Variants in MSL3 observed in about 807,000 individuals in gnomAD.
MSL3 encodes MSL complex subunit 3.
MSL3 carries 5 observed loss-of-function variants against 37.2 expected under a neutral mutation model. The observed-to-expected ratio is 0.13, with a 90% CI of 0.07 to 0.28. MSL3 has a LOEUF of 0.28. MSL3 is among the 10% of genes least tolerant of loss of function. MSL3 has a pLI of 1.00. For missense variants in MSL3, 315 were observed against 408.5 expected (o/e 0.77, Z 1.97); for synonymous variants, 149 against 147.6 (o/e 1.01, Z -0.07).
At chrX:11,759,559 C>T in intron 1 of MSL3, 1 of 1,005,185 alleles carries the variant, frequency 9.9e-7, no homozygotes. Context: ...CTTCAGAAGC[C>T]TCACACTGTC....
At chrX:11,772,365 G>T (rs936242845) in intron 11 of MSL3, 110 bp downstream of exon 11, 1 of 618,564 alleles carries the variant, frequency 1.6e-6, no homozygotes, top group Non-Finnish European at 2.5e-6. Flanking sequence ...GAAATTTGGG[G>T]ATCCAAGAAA....
intron 12 of MSL3, among the ~76,000 whole-genome samples, chrX:11,774,279 G>A (rs1344860871): frequency 8.9e-6 from 1 of 112,109 alleles, no homozygotes; most frequent in East Asian, 2.8e-4. Flanking sequence ...CATTTCTGAA[G>A]TGAGATTTAT....
intron 3 of MSL3, 141 bp downstream of exon 3, chrX:11,760,639 AGT>A: frequency 2.0e-6 from 1 of 497,386 alleles, no homozygotes; most frequent in Non-Finnish European, 3.1e-6. Context: ...TAAGGGGAAG[AGT>A]GTTCCTATGG....
In MSL3 at chrX:11,775,183, C is replaced by A; in HGVS notation, c.*104C>A. 1.9e-6 allele frequency: 1 copy of A among 540,063 alleles called. No individual in the cohort carries two copies. Among genetic ancestry groups the A allele is most frequent in the South Asian group, 3.0e-5 (1 of 33,437 alleles). The allele number at this position is 540,063 out of a possible 1,213,427, so 44.5% of individuals were successfully genotyped here. On this transcript the variant is annotated 3_prime_UTR_variant, in exon 13 of 13. Coordinates refer to ENST00000312196, the MANE Select transcript of MSL3 (RefSeq NM_078629.4). ...TGGGTCTTTACCCACAGCGCAAACA[C>A]AATGCCCACCTTGGGGCTCTGTTGT...
chrX:11,759,352 G>T (rs962199052), intron 1 of MSL3, among the ~76,000 whole-genome samples: 1 of 105,760 alleles, frequency 9.5e-6, no homozygotes, highest in East Asian at 2.9e-4. Flanking sequence ...CGGGGCGGAG[G>T]GGGGGGGGCA....
intron 1 of MSL3, chrX:11,758,628 G>T (rs1416030026): frequency 6.9e-6 from 8 of 1,154,425 alleles, no homozygotes; most frequent in Non-Finnish European, 9.2e-6. Flanking sequence ...CGTTACCGGG[G>T]CTACCGTTTG....
intron 9 of MSL3, 76 bp downstream of exon 9, chrX:11,765,805 G>T: frequency 1.7e-6 from 2 of 1,177,994 alleles, no homozygotes; most frequent in Non-Finnish European, 1.1e-6. Context: ...CAGGCATGGT[G>T]CTGAGGTTAC....
chrX:11,775,437 T>C lies in MSL3; in HGVS notation c.*358T>C, dbSNP rs2053266175. ...TATTTGTTAGCATTAAACAAATTTT[T>C]TTTTGCAAATTGGTTTTATTTTTTT... On this transcript the variant is annotated 3_prime_UTR_variant, in exon 13 of 13. Coordinates refer to ENST00000312196, the MANE Select transcript of MSL3 (RefSeq NM_078629.4). 1 of 135,049 alleles carries C rather than the reference T, an allele frequency of 7.4e-6. No individual in the cohort carries two copies. The highest frequency in any genetic ancestry group is 8.7e-5 in the Admixed American group (1 of 11,524). 11.1% of individuals were successfully genotyped at this position (135,049 alleles called of 1,213,427 possible).
At chrX:11,771,347 A>G (rs1416370707) in intron 10 of MSL3, among the ~76,000 whole-genome samples, 1 of 112,109 alleles carries the variant, frequency 8.9e-6, no homozygotes, top group Non-Finnish European at 1.9e-5. Context: ...CCCTTTAACA[A>G]AAGCCCCAGG....
intron 11 of MSL3, 90 bp from the exon 12 acceptor site, chrX:11,772,531 T>C: frequency 1.6e-6 from 1 of 606,202 alleles, no homozygotes; most frequent in Non-Finnish European, 2.7e-6. Context: ...CCAGTAGAGA[T>C]AAGGAGGGGC....
intron 9 of MSL3, chrX:11,767,393 G>A (rs1263165805): frequency 5.8e-6 from 2 of 346,796 alleles, no homozygotes; most frequent in Non-Finnish European, 7.5e-6. Flanking sequence ...CTGTGAGACT[G>A]GGGCAGGAGG....
intron 8 of MSL3, among the ~76,000 whole-genome samples, chrX:11,765,114 G>A (rs1474104111): frequency 8.9e-6 from 1 of 112,021 alleles, no homozygotes; most frequent in Non-Finnish European, 1.9e-5. Context: ...TTTGTTGTGG[G>A]GCTGCCTGTG....
intron 9 of MSL3, chrX:11,767,378 C>T: frequency 2.2e-6 from 1 of 462,766 alleles, no homozygotes; most frequent in South Asian, 1.1e-4. Flanking sequence ...CACAGTGGTT[C>T]ATGCCTGTGA....
At position 11,774,978 on chromosome X, in the gene MSL3, A is replaced by T; in HGVS notation, c.1467-2A>T. The T allele has an allele frequency of 8.4e-7, 1 of 1,194,775 alleles. No individual in the cohort carries two copies. The highest frequency in any genetic ancestry group is 2.3e-5 in the Admixed American group (1 of 43,864). ...CTCATTGGGGCTATTTTTTTTTTCCAGGTTTTTAGCAGAATACCACGATGA... is the reference window on the plus strand; with the variant it reads ...CTCATTGGGGCTATTTTTTTTTTCCTGGTTTTTAGCAGAATACCACGATGA... On this transcript the variant is annotated splice_acceptor_variant, in intron 12 of 12. Transcript: ENST00000312196. LOFTEE classifies it high-confidence loss of function.
chrX:11,763,843 G>A lies in MSL3; in HGVS notation c.813G>A (p.Leu271=). 3 of 1,204,329 alleles carry A rather than the reference G, an allele frequency of 2.5e-6. No individual in the cohort carries two copies. Among genetic ancestry groups the A allele is most frequent in the Non-Finnish European group, 3.4e-6 (3 of 889,150 alleles). ...TAACCTTTGATTACACTCTCCCGTT[G>A]GTTTTACTCTATCCATATGAACAAG... ...LRITFDYTLP[L]VLLYPYEQAQ... The change falls in exon 8 of 13, where the codon TTG becomes TTA. Residue 271 remains leucine, a synonymous_variant. Coordinates refer to ENST00000312196, the MANE Select transcript of MSL3 (RefSeq NM_078629.4).
chrX:11,772,597 G>A (rs2053241195), intron 11 of MSL3, 24 bp from the exon 12 acceptor site: 1 of 1,084,766 alleles, frequency 9.2e-7, no homozygotes, highest in Non-Finnish European at 1.3e-6. Flanking sequence ...ATTGTAAATG[G>A]TTTTGCCTTT....
At chrX:11,758,898 C>G (rs1022103141) in intron 1 of MSL3, 9 of 689,327 alleles carry the variant, frequency 1.3e-5, no homozygotes, top group Middle Eastern at 3.1e-4. Context: ...CAAGGTTGGC[C>G]CAGTGTTTTC....
intron 10 of MSL3, among the ~76,000 whole-genome samples, chrX:11,770,098 A>T (rs754658112): frequency 3.5e-5 from 4 of 112,991 alleles, no homozygotes; most frequent in African/African-American, 1.3e-4. Flanking sequence ...CTGCCCCCTT[A>T]ATTCATTCAT....
intron 9 of MSL3, 130 bp downstream of exon 9, chrX:11,765,859 T>C (rs1170130778): frequency 3.6e-6 from 4 of 1,116,681 alleles, no homozygotes; most frequent in Non-Finnish European, 4.7e-6. Context: ...TCCAAAGTGC[T>C]GTCATGCTGC....
Sources: gnomAD v4.1 joint callset for allele counts (sites outside exome capture counted in the v4.1 genomes callset) on GRCh38, gnomAD v4.1.1 for gene constraint, MANE v1.5 for transcripts, NCBI Gene and HGNC (gene_info 2026-07-23, HGNC 2026-07-21) for gene names.